Variants in RALGPS2 observed in about 807,000 individuals in gnomAD.
RALGPS2 encodes the protein ras-specific guanine nucleotide-releasing factor RalGPS2.
In RALGPS2, 43 loss-of-function variants were observed where a neutral mutation model predicts 86.8. That is an observed-to-expected ratio of 0.50 (90% CI 0.39 to 0.64). RALGPS2 has a LOEUF of 0.64. Among genes scored for constraint, RALGPS2 ranks in the 30% least tolerant of loss-of-function variants. The pLI, the probability that RALGPS2 is intolerant of heterozygous loss-of-function variation, is 0.00. For missense variants in RALGPS2, 536 were observed against 694.6 expected (o/e 0.77, Z 2.57); for synonymous variants, 243 against 231.3 (o/e 1.05, Z -0.46).
At chr1:178,776,654 T>A in intron 1 of RALGPS2, 28 bp from the exon 2 acceptor site, 1 of 729,800 alleles carries the variant, frequency 1.4e-6, no homozygotes. Flanking sequence ...GAGGAAGACA[T>A]TTGCTTAACT....
At chr1:178,878,856 G>C in intron 9 of RALGPS2, 46 bp from the exon 10 acceptor site, 1 of 1,593,986 alleles carries the variant, frequency 6.3e-7, no homozygotes, top group Non-Finnish European at 8.5e-7. Context: ...TAAAGTTCTG[G>C]TTAAGATGTA....
Position 178,794,061 on chromosome 1 carries a change from T to C in RALGPS2, c.213+8454T>C, listed in dbSNP as rs1420886984. ...TTCTTATATACATAGTTCTCCTCAA[T>C]ATGATTTCTCTTTTGATCATGAAGG... On this transcript the variant is annotated intron_variant, in intron 4 of 19. Coordinates refer to ENST00000367635, the MANE Select transcript of RALGPS2 (RefSeq NM_152663.5). Among the ~76,000 whole-genome samples the C allele has an allele frequency of 3.3e-5, 5 of 152,314 alleles. No individual in the cohort carries two copies. In the East Asian group the frequency reaches 9.7e-4, roughly 29 times the overall value.
intron 17 of RALGPS2, among the ~76,000 whole-genome samples, chr1:178,900,923 G>A (rs1660144881): frequency 6.6e-6 from 1 of 152,016 alleles, no homozygotes; most frequent in South Asian, 2.1e-4. Context: ...TTGAAAAAGG[G>A]AATTGAGGTG....
In RALGPS2 at chr1:178,776,010, C is replaced by T. The variant is rs1653064749; in HGVS notation, c.-83-672C>T. Among the ~76,000 whole-genome samples, 2 of 149,954 alleles carry T rather than the reference C, an allele frequency of 1.3e-5. 1 individual carries two copies. The highest frequency in any genetic ancestry group is 4.2e-4 in the South Asian group (2 of 4,756). ...TTCCCTAAAAAATACAATATAACAA[C>T]AATTTACGTAGCATTGGCACTGTAT... On this transcript the variant is annotated intron_variant, in intron 1 of 19. Transcript: ENST00000367635.
At chr1:178,863,173 G>A (rs1008389831) in intron 8 of RALGPS2, among the ~76,000 whole-genome samples, 7 of 152,132 alleles carry the variant, frequency 4.6e-5, no homozygotes, top group Admixed American at 1.3e-4. Flanking sequence ...TTCTGGCTCT[G>A]AATAGAAATG....
At position 178,776,810 on chromosome 1, in the gene RALGPS2, A is replaced by C; in HGVS notation, c.46A>C (p.Thr16Pro). Residue 16 changes from threonine (T) to proline (P), a missense_variant, in exon 2 of 20, where the codon ACT (threonine) becomes CCT (proline). By Grantham distance (38) the Thr-to-Pro change is conservative. This residue lies in a region of RALGPS2 where 43 missense variants were observed against 34.9 expected (regional missense o/e 1.23). Transcript: ENST00000367635. ...GQASSVNIAA[T>P]ASEKSSSSES... is the part of the protein sequence containing the mutation. ...GGCAAGCAGTGTCAATATTGCAGCT[A>C]CTGCTTCTGAGGTAAGATATTTAAG... 6.2e-7 allele frequency: 1 copy of C among 1,612,776 alleles called. No individual in the cohort carries two copies. The highest frequency in any genetic ancestry group is 8.5e-7 in the Non-Finnish European group (1 of 1,179,240).
chr1:178,797,066 T>C (rs1225218580), intron 4 of RALGPS2, among the ~76,000 whole-genome samples: 1 of 152,242 alleles, frequency 6.6e-6, no homozygotes, highest in Non-Finnish European at 1.5e-5. Context: ...CATAGTATAC[T>C]CAAAACAGTT....
At chr1:178,902,752 T>C (rs889465201) in intron 18 of RALGPS2, among the ~76,000 whole-genome samples, 4 of 152,142 alleles carry the variant, frequency 2.6e-5, no homozygotes, top group African/African-American at 9.7e-5. Flanking sequence ...CACACAATTA[T>C]TGTATTTATT....
intron 1 of RALGPS2, among the ~76,000 whole-genome samples, chr1:178,736,976 C>G (rs4584357): frequency 0.019 from 2,846 of 152,270 alleles, 83 homozygotes; most frequent in African/African-American, 0.065. Flanking sequence ...AAGCACCCTA[C>G]TAGTTCACAT....
chr1:178,798,984 C>G (rs574181977), intron 4 of RALGPS2, among the ~76,000 whole-genome samples: 1 of 152,204 alleles, frequency 6.6e-6, no homozygotes, highest in Admixed American at 6.6e-5. Context: ...AGACAGGCTC[C>G]CAGACACCAT....
chr1:178,821,474 T>TA, intron 6 of RALGPS2, 138 bp from the exon 7 acceptor site: 1 of 638,376 alleles, frequency 1.6e-6, no homozygotes, highest in Non-Finnish European at 2.7e-6. Flanking sequence ...CAGGGTACTC[T>TA]AAAGACAGTT....
At chr1:178,853,502 G>T in intron 8 of RALGPS2, 1 of 1,040,576 alleles carries the variant, frequency 9.6e-7, no homozygotes, top group Non-Finnish European at 1.3e-6. Context: ...ATTTTTAACT[G>T]TGTGTCTTAT....
chr1:178,744,858 C>A, intron 1 of RALGPS2, among the ~76,000 whole-genome samples: 1 of 149,722 alleles, frequency 6.7e-6, no homozygotes, highest in African/African-American at 2.5e-5. Context: ...GGCATCCAGA[C>A]TGGAAAGGAG....
At chr1:178,730,156 G>A (rs1389666370) in intron 1 of RALGPS2, among the ~76,000 whole-genome samples, 2 of 152,052 alleles carry the variant, frequency 1.3e-5, no homozygotes, top group Non-Finnish European at 2.9e-5. Context: ...TGGCCAGGCT[G>A]TGAACTCCTG....
intron 8 of RALGPS2, among the ~76,000 whole-genome samples, chr1:178,840,767 TAAAG>T (rs907341562): frequency 6.7e-6 from 1 of 150,016 alleles, no homozygotes; most frequent in African/African-American, 2.5e-5. Context: ...ATATATATAA[TAAAG>T]AAAAGGGAGG....
At position 178,801,405 on chromosome 1, in the gene RALGPS2, T is replaced by C. The variant is rs1323473973; in HGVS notation, c.214-6640T>C. Among the ~76,000 whole-genome samples, 9 of 152,306 alleles carry C rather than the reference T, an allele frequency of 5.9e-5. No homozygotes were observed. The East Asian group carries it at 1.3e-3, about 23-fold the overall frequency. On this transcript the variant is annotated intron_variant, in intron 4 of 19. Transcript: ENST00000367635. ...ATAATACTAACACTAATACAGAGAT[T>C]ATTATGTGCCAGTCTAAAGGCTTTA... is the stretch of plus-strand genomic sequence containing the variant.
At chr1:178,773,593 T>C (rs1652913807) in intron 1 of RALGPS2, among the ~76,000 whole-genome samples, 1 of 152,080 alleles carries the variant, frequency 6.6e-6, no homozygotes, top group Non-Finnish European at 1.5e-5. Flanking sequence ...TATTAAATAC[T>C]ATTGACTCCT....
At chr1:178,863,503 A>G (rs1658173155) in intron 8 of RALGPS2, among the ~76,000 whole-genome samples, 1 of 152,240 alleles carries the variant, frequency 6.6e-6, no homozygotes, top group Non-Finnish European at 1.5e-5. Flanking sequence ...TCATAACATC[A>G]GAGGTATTAT....
chr1:178,743,293 A>G (rs1164821192), intron 1 of RALGPS2, among the ~76,000 whole-genome samples: 1 of 152,206 alleles, frequency 6.6e-6, no homozygotes, highest in African/African-American at 2.4e-5. Context: ...TGCCTACATA[A>G]GAAAAGAAGA....
Sources: gnomAD v4.1 joint callset for allele counts (sites outside exome capture counted in the v4.1 genomes callset) on GRCh38, gnomAD v4.1.1 for gene constraint, gnomAD v4.1.1 regional missense constraint, MANE v1.5 for transcripts, NCBI Gene and HGNC (gene_info 2026-07-23, HGNC 2026-07-21) for gene names.